The following USP8 variants were observed in gnomAD, a reference collection of about 807,000 sequenced individuals.
USP8 encodes ubiquitin specific peptidase 8, also known as ubiquitin carboxyl-terminal hydrolase 8.
Under a neutral mutation model 130.0 loss-of-function variants are expected in USP8, and 27 were observed. The observed-to-expected ratio is 0.21, with a 90% CI of 0.15 to 0.29. The LOEUF is 0.29. Among genes scored for constraint, USP8 ranks in the 10% least tolerant of loss-of-function variants. USP8 has a pLI of 1.00. For synonymous variants in USP8, 392 were observed against 444.1 expected (o/e 0.88, Z 1.48); for missense variants, 1,029 against 1,312.2 (o/e 0.78, Z 3.33).
At chr15:50,440,046 C>G (rs1179529189) in intron 2 of USP8, among the ~76,000 whole-genome samples, 1 of 152,072 alleles carries the variant, frequency 6.6e-6, no homozygotes, top group Non-Finnish European at 1.5e-5. Context: ...CACCGTTGCA[C>G]TCCAGCCTGG....
rs995284640 is a variant in USP8, at chr15:50,509,810, C to G, written c.*10722C>G. 7.2e-5 allele frequency: 11 copies of G among 152,092 alleles called. No individual in the cohort carries two copies. The highest frequency in any genetic ancestry group is 2.7e-4 in the African/African-American group (11 of 41,436). 9.4% of individuals were successfully genotyped at this position (152,092 alleles called of 1,614,324 possible). On this transcript the variant is annotated 3_prime_UTR_variant, in exon 20 of 20. Coordinates refer to ENST00000307179, the MANE Select transcript of USP8 (RefSeq NM_005154.5). ...GACCTTAGATGAAATAGACAAATAT[C>G]TGGAGAATAAGTTACCAAAATGACT... is the stretch of plus-strand genomic sequence containing the variant.
intron 1 of USP8, chr15:50,432,248 A>C (rs1170406978): frequency 6.6e-6 from 1 of 152,192 alleles, no homozygotes; most frequent in Non-Finnish European, 1.5e-5. Flanking sequence ...ACGCCCAGCT[A>C]ATTTTTAAAT....
intron 6 of USP8, among the ~76,000 whole-genome samples, chr15:50,463,906 C>T (rs1005732172): frequency 1.3e-5 from 2 of 152,178 alleles, no homozygotes; most frequent in Non-Finnish European, 2.9e-5. Flanking sequence ...TGACAGATTG[C>T]TGCCCTCCCC....
chr15:50,467,329 T>C (rs988173475), intron 7 of USP8, among the ~76,000 whole-genome samples: 2 of 152,194 alleles, frequency 1.3e-5, no homozygotes, highest in Admixed American at 6.5e-5. Flanking sequence ...AAGATGATTT[T>C]AGGTTGAAGA....
At chr15:50,486,364 G>T (rs749077651) in intron 12 of USP8, among the ~76,000 whole-genome samples, 1 of 152,110 alleles carries the variant, frequency 6.6e-6, no homozygotes, top group East Asian at 1.9e-4. Flanking sequence ...GCGCCTGCCT[G>T]TAGTCCCAGC....
chr15:50,439,829 T>TAATAATAA (rs56260607), intron 2 of USP8, among the ~76,000 whole-genome samples: 1 of 133,242 alleles, frequency 7.5e-6, no homozygotes, highest in East Asian at 2.2e-4. Flanking sequence ...ATAATAATAA[T>TAATAATAA]TTTTTTTTTC....
chr15:50,429,157 G>A, intron 1 of USP8, among the ~76,000 whole-genome samples: 1 of 152,118 alleles, frequency 6.6e-6, no homozygotes, highest in Non-Finnish European at 1.5e-5. Flanking sequence ...GCGAAACCAT[G>A]GATAAGGGGG....
rs2052390042 is a variant in USP8 at position 50,496,103 on chromosome 15, G to A, written c.2895+19G>A. 1.9e-6 allele frequency: 3 copies of A among 1,556,662 alleles called. No individual in the cohort carries two copies. Among genetic ancestry groups the A allele is most frequent in the Non-Finnish European group, 1.8e-6 (2 of 1,139,466 alleles). ...ATTACAGGTAAGTTTAAGAAGTAGA[G>A]AGAAAATGATTTATTGGATAAAAAT... On this transcript the variant is annotated intron_variant, in intron 17 of 19. Coordinates refer to ENST00000307179, the MANE Select transcript of USP8 (RefSeq NM_005154.5).
At chr15:50,464,442 A>C (rs2051112648) in intron 6 of USP8, among the ~76,000 whole-genome samples, 1 of 152,164 alleles carries the variant, frequency 6.6e-6, no homozygotes, top group African/African-American at 2.4e-5. Context: ...CACATATATT[A>C]ATGTTCTTTA....
At position 50,509,209 on chromosome 15, in the gene USP8, T is replaced by A. The variant is rs1425247680; in HGVS notation, c.*10121T>A. 1.3e-5 allele frequency: 2 copies of A among 149,630 alleles called. No individual in the cohort carries two copies. Among genetic ancestry groups the A allele is most frequent in the Non-Finnish European group, 1.5e-5 (1 of 67,892 alleles). 9.3% of individuals were successfully genotyped at this position (149,630 alleles called of 1,614,324 possible). ...TGTTGTGCCTGTAGTTCCATCTACT[T>A]GGGAGGCTGAGGTGGGAGGATGGCT... On this transcript the variant is annotated 3_prime_UTR_variant, in exon 20 of 20. Transcript: ENST00000307179.
intron 1 of USP8, among the ~76,000 whole-genome samples, chr15:50,438,776 C>T (rs547835179): frequency 3.5e-4 from 54 of 152,222 alleles, no homozygotes; most frequent in Admixed American, 2.2e-3. Context: ...ATTCCCAACT[C>T]TTAAGGCAAA....
rs1333867494 is a variant in USP8, at chr15:50,511,427, T to C, written c.*12339T>C. On this transcript the variant is annotated 3_prime_UTR_variant, in exon 20 of 20. Transcript: ENST00000307179. ...CCCAGAAATTTCACACTTAGGTATA[T>C]ACCCAACAGAAATGAAAACATGTTT... is the stretch of plus-strand genomic sequence containing the variant. 6.6e-6 allele frequency: 1 copy of C among 152,142 alleles called. No individual in the cohort carries two copies. The highest frequency in any genetic ancestry group is 1.5e-5 in the Non-Finnish European group (1 of 68,018). The allele number at this position is 152,142 out of a possible 1,614,324, so 9.4% of individuals were successfully genotyped here. A position where few individuals can be genotyped will look rare whatever the true frequency, so the allele number is the denominator to read the frequency against.
chr15:50,441,221 A>C, intron 2 of USP8, 128 bp from the exon 3 acceptor site: 4 of 861,582 alleles, frequency 4.6e-6, no homozygotes, highest in Non-Finnish European at 6.6e-6. Context: ...ACAGGCCGTG[A>C]ACCAGTACCA....
At chr15:50,460,779 G>C (rs552219224) in intron 5 of USP8, among the ~76,000 whole-genome samples, 25 of 152,044 alleles carry the variant, frequency 1.6e-4, no homozygotes, top group Non-Finnish European at 3.4e-4. Flanking sequence ...GAAATCCATG[G>C]GAAAATTTCT....
rs2052758584 is a variant in USP8, at chr15:50,513,087, T to C, written c.*13999T>C. 1 of 152,208 alleles carries C rather than the reference T, an allele frequency of 6.6e-6. No individual in the cohort carries two copies. Among genetic ancestry groups the C allele is most frequent in the South Asian group, 2.1e-4 (1 of 4,824 alleles). 9.4% of individuals were successfully genotyped at this position (152,208 alleles called of 1,614,324 possible). On this transcript the variant is annotated 3_prime_UTR_variant, in exon 20 of 20. Coordinates refer to ENST00000307179, the MANE Select transcript of USP8 (RefSeq NM_005154.5). Reference sequence around the variant, plus strand: ...GAAAAACTAAAATGAGATAATTTTGTATCCATTAGATGGCAAAAATTAAGA... The same window carrying C: ...GAAAAACTAAAATGAGATAATTTTGCATCCATTAGATGGCAAAAATTAAGA...
chr15:50,463,365 A>AG, intron 6 of USP8: 1 of 152,384 alleles, frequency 6.6e-6, no homozygotes, highest in South Asian at 2.1e-4. Flanking sequence ...TTCCTCTCTC[A>AG]GAAAAGGTTT....
At position 50,513,292 on chromosome 15, in the gene USP8, CAATG is replaced by C; in HGVS notation, c.*14207_*14210del. 6.6e-6 allele frequency: 1 copy of C among 151,868 alleles called. No homozygotes were observed. Among genetic ancestry groups the C allele is most frequent in the East Asian group, 1.9e-4 (1 of 5,198 alleles). 9.4% of individuals were successfully genotyped at this position (151,868 alleles called of 1,614,324 possible). ...GTTCATGCCAGCAAAAATTTGGAAA[CAATG>C]AAATATCAATAGGAAAATGGATAAT... On this transcript the variant is annotated 3_prime_UTR_variant, in exon 20 of 20. Coordinates refer to ENST00000307179, the MANE Select transcript of USP8 (RefSeq NM_005154.5).
At position 50,458,021 on chromosome 15, in the gene USP8, TTCTC is replaced by T. The variant is rs556941583; in HGVS notation, c.336-971_336-968del. 9.3e-4 allele frequency among the ~76,000 whole-genome samples: 142 copies of T among 152,274 alleles called. 1 individual carries two copies. The highest frequency in any genetic ancestry group is 3.4e-3 in the Middle Eastern group (1 of 294). ...TTTTTTCCTTTACATCTGTTTTATCTTCTCTCTCTCTGTCTTTAAATTTGAAGCT... is the reference window on the plus strand; with the variant it reads ...TTTTTTCCTTTACATCTGTTTTATCTTCTCTCTGTCTTTAAATTTGAAGCT... On this transcript the variant is annotated intron_variant, in intron 4 of 19. Coordinates refer to ENST00000307179, the MANE Select transcript of USP8 (RefSeq NM_005154.5).
rs2052759122 is a variant in USP8, at chr15:50,513,112, A to T, written c.*14024A>T. On this transcript the variant is annotated 3_prime_UTR_variant, in exon 20 of 20. Coordinates refer to ENST00000307179, the MANE Select transcript of USP8 (RefSeq NM_005154.5). ...TATCCATTAGATGGCAAAAATTAAGAAGTCTGATGATCCTGGTAGGGGTAT... is the reference window on the plus strand; with the variant it reads ...TATCCATTAGATGGCAAAAATTAAGTAGTCTGATGATCCTGGTAGGGGTAT... The T allele has an allele frequency of 6.6e-6, 1 of 152,220 alleles. No homozygotes were observed. Among genetic ancestry groups the T allele is most frequent in the South Asian group, 2.1e-4 (1 of 4,836 alleles). 9.4% of individuals were successfully genotyped at this position (152,220 alleles called of 1,614,324 possible).
Sources: gnomAD v4.1 joint callset for allele counts (sites outside exome capture counted in the v4.1 genomes callset) on GRCh38, gnomAD v4.1.1 for gene constraint, MANE v1.5 for transcripts, NCBI Gene and HGNC (gene_info 2026-07-23, HGNC 2026-07-21) for gene names.